Variants in CSGALNACT1 observed in about 807,000 individuals in gnomAD.
The protein encoded by CSGALNACT1 is chondroitin sulfate N-acetylgalactosaminyltransferase 1.
Under a neutral mutation model 51.0 loss-of-function variants are expected in CSGALNACT1, and 52 were observed. That is an observed-to-expected ratio of 1.02 (90% confidence interval 0.82 to 1.29). CSGALNACT1 has a LOEUF of 1.29. CSGALNACT1 is among the 50% of genes most tolerant of loss of function. The pLI, the probability that CSGALNACT1 is intolerant of heterozygous loss-of-function variation, is 0.00. For synonymous variants in CSGALNACT1, 341 were observed against 254.4 expected (o/e 1.34, Z -3.24); for missense variants, 935 against 679.2 (o/e 1.38, Z -4.19).
rs138940685 is a variant in CSGALNACT1, at chr8:19,715,420, T to C, written c.-297+42430A>G. 7.2e-3 allele frequency among the ~76,000 whole-genome samples: 1,098 copies of C among 152,312 alleles called. 9 individuals are homozygous for C. The highest frequency in any genetic ancestry group is 0.024 in the African/African-American group (1,005 of 41,560). On this transcript the variant is annotated intron_variant, in intron 1 of 1. Transcript: ENST00000517494. ...CTGTGTTGGTTTACTTAGGATAATGTCCTCCACCTCCACCAATGTTGCTGC... is the reference window on the plus strand; with the variant it reads ...CTGTGTTGGTTTACTTAGGATAATGCCCTCCACCTCCACCAATGTTGCTGC...
chr8:19,665,706 G>T (rs2059126192), intron 1 of CSGALNACT1, among the ~76,000 whole-genome samples: 1 of 152,198 alleles, frequency 6.6e-6, no homozygotes, highest in South Asian at 2.1e-4. Context: ...CTAGGAAGAT[G>T]TGGTCTTCTA....
At chr8:19,558,002 C>T (rs1438610573) in intron 3 of CSGALNACT1, among the ~76,000 whole-genome samples, 2 of 152,170 alleles carry the variant, frequency 1.3e-5, no homozygotes, top group South Asian at 4.1e-4. Context: ...AATACAGTCC[C>T]AACTCTAATA....
At chr8:19,501,120 C>T (rs1042980146) in intron 4 of CSGALNACT1, among the ~76,000 whole-genome samples, 15 of 151,468 alleles carry the variant, frequency 9.9e-5, no homozygotes, top group Non-Finnish European at 1.6e-4. Context: ...CATAGTGGCA[C>T]GTGCCTGTAG....
At chr8:19,599,506 A>AAGAAAGAAAG (rs2049875265) in intron 2 of CSGALNACT1, among the ~76,000 whole-genome samples, 1 of 150,750 alleles carries the variant, frequency 6.6e-6, no homozygotes, top group East Asian at 1.9e-4. Context: ...GAAAGAAAGA[A>AAGAAAGAAAG]AGAAAGAAAG....
chr8:19,542,741 A>AT (rs567327392), intron 3 of CSGALNACT1, among the ~76,000 whole-genome samples: 41 of 150,900 alleles, frequency 2.7e-4, no homozygotes, highest in Non-Finnish European at 4.7e-4. Context: ...AAACCCCATC[A>AT]TTTTTTTTTA....
At chr8:19,578,150 G>C (rs2044710755) in intron 3 of CSGALNACT1, among the ~76,000 whole-genome samples, 1 of 152,166 alleles carries the variant, frequency 6.6e-6, no homozygotes, top group South Asian at 2.1e-4. Flanking sequence ...GGTAACATGT[G>C]GGCTACCAAT....
At chr8:19,434,024 T>G (rs1289707030) in intron 6 of CSGALNACT1, among the ~76,000 whole-genome samples, 1 of 152,212 alleles carries the variant, frequency 6.6e-6, no homozygotes, top group Non-Finnish European at 1.5e-5. Context: ...TAGAGCAAGT[T>G]AAACCTCCAT....
At chr8:19,734,898 G>A (rs555590554) in intron 1 of CSGALNACT1, among the ~76,000 whole-genome samples, 71 of 152,018 alleles carry the variant, frequency 4.7e-4, no homozygotes, top group Middle Eastern at 3.4e-3. Context: ...CTGAATGCAC[G>A]GTTGAGATGA....
intron 3 of CSGALNACT1, among the ~76,000 whole-genome samples, chr8:19,571,265 C>T (rs976633370): frequency 6.6e-6 from 1 of 152,110 alleles, no homozygotes; most frequent in South Asian, 2.1e-4. Flanking sequence ...ATTTTTGAAA[C>T]TCCGTATCCG....
chr8:19,527,429 C>A (rs913328704), intron 3 of CSGALNACT1, among the ~76,000 whole-genome samples: 2 of 152,018 alleles, frequency 1.3e-5, no homozygotes, highest in Admixed American at 1.3e-4. Context: ...GGTGAACCAA[C>A]CCCGCCCCTC....
chr8:19,420,576 G>C (rs2057763520), intron 6 of CSGALNACT1, 58 bp from the exon 6 acceptor site: 1 of 1,546,808 alleles, frequency 6.5e-7, no homozygotes, highest in Non-Finnish European at 8.9e-7. Context: ...AGCATCCCCT[G>C]AGAAAATATG....
At chr8:19,468,853 G>T (rs2067356290) in intron 4 of CSGALNACT1, among the ~76,000 whole-genome samples, 1 of 152,182 alleles carries the variant, frequency 6.6e-6, no homozygotes, top group Non-Finnish European at 1.5e-5. Flanking sequence ...TGAAGCTGTG[G>T]ATGTGGGTCA....
chr8:19,703,489 C>T (rs575763314), intron 1 of CSGALNACT1, among the ~76,000 whole-genome samples: 33 of 152,228 alleles, frequency 2.2e-4, no homozygotes, highest in African/African-American at 4.3e-4. Context: ...ATTTTTAGTA[C>T]AGACAGGTTT....
chr8:19,678,738 G>C (rs2060377010), intron 1 of CSGALNACT1: 2 of 152,222 alleles, frequency 1.3e-5, no homozygotes, highest in Middle Eastern at 3.4e-3. Context: ...ACCCACGAAG[G>C]GGAGAGCTTC....
At position 19,505,373 on chromosome 8, in the gene CSGALNACT1, CT is replaced by C. The variant is rs755948035; in HGVS notation, c.461del (p.Gln154ArgfsTer19). The C allele has an allele frequency of 3.1e-6, 5 of 1,614,114 alleles. No individual in the cohort carries two copies. Among genetic ancestry groups the C allele is most frequent in the Non-Finnish European group, 4.2e-6 (5 of 1,180,052 alleles). ...GGCCAGTCTCCAGCTGGTACACCTT[CT>C]GTAGAGTAAAGCTATCGAAAGGCAC... On this transcript the variant is annotated frameshift_variant, in exon 4 of 10. Transcript: ENST00000454498. LOFTEE classifies it high-confidence loss of function.
At chr8:19,725,157 A>T (rs946865820) in intron 1 of CSGALNACT1, among the ~76,000 whole-genome samples, 7 of 152,222 alleles carry the variant, frequency 4.6e-5, no homozygotes, top group African/African-American at 7.2e-5. Context: ...TCCCTCTGAC[A>T]CTATGGATAA....
At chr8:19,506,048 C>A (rs761686903) in exon 4 of CSGALNACT1, 4 of 698,946 alleles carry the variant, frequency 5.7e-6, no homozygotes, top group East Asian at 2.7e-5. Context: ...CAGGCAGAAG[C>A]AATGACTGAA....
chr8:19,534,712 C>G (rs976437091), intron 3 of CSGALNACT1, among the ~76,000 whole-genome samples: 2 of 152,162 alleles, frequency 1.3e-5, no homozygotes, highest in East Asian at 1.9e-4. Context: ...GACCTAAACT[C>G]TCTCACACAC....
intron 5 of CSGALNACT1, among the ~76,000 whole-genome samples, chr8:19,451,793 G>A (rs73212546): frequency 0.14 from 20,659 of 152,228 alleles, 1,700 homozygotes; most frequent in Middle Eastern, 0.23. Flanking sequence ...AATTGATGCT[G>A]ATGTGGAAAA....
Sources: gnomAD v4.1 joint callset for allele counts (sites outside exome capture counted in the v4.1 genomes callset) on GRCh38, gnomAD v4.1.1 for gene constraint, MANE v1.5 for transcripts, NCBI Gene and HGNC (gene_info 2026-07-23, HGNC 2026-07-21) for gene names.